Variants in TACC2 observed in about 807,000 individuals in gnomAD.
TACC2 encodes the protein transforming acidic coiled-coil-containing protein 2.
In TACC2, 137 loss-of-function variants were observed where a neutral mutation model predicts 227.3. That is an observed-to-expected ratio of 0.60 (90% CI 0.52 to 0.69). The LOEUF (loss-of-function observed/expected upper bound fraction) is 0.69. Ranked by LOEUF, TACC2 falls within the 30% of genes least tolerant of loss-of-function variation. TACC2 has a pLI of 0.00. For missense variants in TACC2, 3,470 were observed against 3,694.4 expected, an observed-to-expected ratio of 0.94 and a Z score of 1.57; for synonymous variants, 1,523 against 1,487.5, an observed-to-expected ratio of 1.02 and a Z score of -0.55.
chr10:122,037,407 G>T lies in TACC2; in HGVS notation c.34-13031G>T, dbSNP rs2135938033. 1.3e-5 allele frequency among the ~76,000 whole-genome samples: 2 copies of T among 152,318 alleles called. 1 individual carries two copies. The highest frequency in any genetic ancestry group is 4.1e-4 in the South Asian group (2 of 4,826). On this transcript the variant is annotated intron_variant, in intron 2 of 22. Coordinates refer to ENST00000369005, the MANE Select transcript of TACC2 (RefSeq NM_206862.4). ...GTATGCTCACTCACCATGGGGGTGA[G>T]ACTCCAGCAGTCAGGGCTCCCCAAG...
intron 3 of TACC2, among the ~76,000 whole-genome samples, chr10:122,080,225 G>GT (rs57690157): frequency 1.6e-5 from 2 of 127,230 alleles, no homozygotes; most frequent in African/African-American, 3.0e-5. Context: ...TTTTTTTTTT[G>GT]TTTTTTTTTT....
chr10:122,082,086 TGG>T (rs58414362), intron 3 of TACC2, among the ~76,000 whole-genome samples: 57,280 of 151,806 alleles, frequency 0.38, 10,863 homozygotes, highest in Admixed American at 0.43. Context: ...GAGGCTGAGG[TGG>T]GAAGATTGCT....
chr10:122,187,955 G>T (rs2094267709), intron 7 of TACC2, among the ~76,000 whole-genome samples: 1 of 152,138 alleles, frequency 6.6e-6, no homozygotes, highest in African/African-American at 2.4e-5. Flanking sequence ...TTGTCAAGGG[G>T]AGCTGGGAGG....
chr10:122,039,815 A>C (rs1158818791), intron 2 of TACC2, among the ~76,000 whole-genome samples: 2 of 78,544 alleles, frequency 2.5e-5, no homozygotes, highest in Non-Finnish European at 5.5e-5. Context: ...TTGTCAGCAC[A>C]AATGCTATTG....
At chr10:122,122,751 T>G (rs1249658426) in intron 5 of TACC2, among the ~76,000 whole-genome samples, 1 of 152,156 alleles carries the variant, frequency 6.6e-6, no homozygotes, top group Non-Finnish European at 1.5e-5. Context: ...GGGGAGGGGC[T>G]GCATGAGTGA....
At chr10:122,021,099 G>A (rs1313526920) in intron 1 of TACC2, among the ~76,000 whole-genome samples, 3 of 152,042 alleles carry the variant, frequency 2.0e-5, no homozygotes, top group African/African-American at 4.8e-5. Flanking sequence ...GTGTGGTGGC[G>A]GGCGTCTGTA....
chr10:122,203,437 C>G (rs1446719866), intron 8 of TACC2, among the ~76,000 whole-genome samples: 3 of 151,198 alleles, frequency 2.0e-5, no homozygotes, highest in African/African-American at 2.4e-5. Context: ...ACCTCCCTCC[C>G]GGACGAGGTG....
intron 1 of TACC2, among the ~76,000 whole-genome samples, chr10:121,991,258 A>G (rs745613422): frequency 2.0e-5 from 3 of 152,174 alleles, no homozygotes; most frequent in Non-Finnish European, 4.4e-5. Context: ...ATTTTTATAA[A>G]TCCACCTGTT....
chr10:122,229,801 T>C (rs2095700688), intron 15 of TACC2, among the ~76,000 whole-genome samples: 1 of 152,178 alleles, frequency 6.6e-6, no homozygotes, highest in African/African-American at 2.4e-5. Flanking sequence ...CCAAGAATAT[T>C]AGATCACCAC....
chr10:122,161,577 G>A (rs1236335221), intron 7 of TACC2, among the ~76,000 whole-genome samples: 2 of 152,254 alleles, frequency 1.3e-5, no homozygotes, highest in African/African-American at 4.8e-5. Flanking sequence ...GGAGAAGTCA[G>A]GATTTGAACT....
chr10:122,178,452 C>A (rs2093830259), intron 7 of TACC2, among the ~76,000 whole-genome samples: 1 of 152,002 alleles, frequency 6.6e-6, no homozygotes, highest in South Asian at 2.1e-4. Flanking sequence ...GGTCAGGCTG[C>A]TCTCAAACTC....
chr10:122,149,180 G>T (rs947162786), intron 7 of TACC2, among the ~76,000 whole-genome samples: 2 of 152,256 alleles, frequency 1.3e-5, no homozygotes, highest in East Asian at 3.8e-4. Flanking sequence ...TGGTGTGTTG[G>T]ACATGAGCTG....
intron 2 of TACC2, among the ~76,000 whole-genome samples, chr10:122,045,078 G>A (rs1316725978): frequency 6.6e-6 from 1 of 152,048 alleles, no homozygotes; most frequent in African/African-American, 2.4e-5. Flanking sequence ...AGGGAAATGT[G>A]GCAAAAGCGA....
chr10:122,076,138 G>C (rs953817868), intron 3 of TACC2, among the ~76,000 whole-genome samples: 1 of 152,044 alleles, frequency 6.6e-6, no homozygotes, highest in Non-Finnish European at 1.5e-5. Flanking sequence ...AAGTCCAAGG[G>C]CAAGGGGCTG....
chr10:122,173,940 G>C (rs2093594580), intron 7 of TACC2, among the ~76,000 whole-genome samples: 1 of 152,218 alleles, frequency 6.6e-6, no homozygotes, highest in Admixed American at 6.5e-5. Flanking sequence ...TGCTCCCATA[G>C]ACAGGGAAGT....
rs574623497 is a variant in TACC2 at position 121,999,286 on chromosome 10, T to A, written c.-46+9798T>A. Among the ~76,000 whole-genome samples the A allele has an allele frequency of 2.0e-5, 3 of 152,330 alleles. No individual in the cohort carries two copies. The South Asian group carries it at 6.2e-4, about 32-fold the overall frequency. ...TCTAAGTGGGACAAAGATTTTCATT[T>A]TGAGGAGACATAATTTTGCAGCTGG... On this transcript the variant is annotated intron_variant, in intron 1 of 22. Coordinates refer to ENST00000369005, the MANE Select transcript of TACC2 (RefSeq NM_206862.4).
rs1166152334 is a variant in TACC2, at chr10:122,249,653, C to A, written c.8770C>A (p.Leu2924Met). The change falls in exon 22 of 23, where the codon CTG becomes ATG. Residue 2924 changes from leucine (L) to methionine (M), a missense_variant. Leu to Met is a conservative substitution (Grantham distance 15). Around this residue, in one of 10 missense-constraint regions of TACC2, gnomAD observed 89 missense variants for 91.4 expected, o/e 0.97. Coordinates refer to ENST00000369005, the MANE Select transcript of TACC2 (RefSeq NM_206862.4). ...QLRVDALERT[L>M]EQKNKEIEEL... ...GCGAGTGGACGCCCTGGAAAGGACG[C>A]TGGAGCAGAAGGTAATAGGGGAGGG... The A allele has an allele frequency of 3.1e-6, 5 of 1,613,354 alleles. No individual in the cohort carries two copies. The highest frequency in any genetic ancestry group is 4.2e-6 in the Non-Finnish European group (5 of 1,179,722).
intron 7 of TACC2, among the ~76,000 whole-genome samples, chr10:122,164,689 C>G (rs1037226246): frequency 6.6e-6 from 1 of 152,156 alleles, no homozygotes; most frequent in Non-Finnish European, 1.5e-5. Flanking sequence ...CCATTACCTA[C>G]CCAGGCATGT....
At position 122,248,773 on chromosome 10, in the gene TACC2, G is replaced by A; in HGVS notation, c.8523G>A (p.Lys2841=). 6.2e-7 allele frequency: 1 copy of A among 1,614,214 alleles called. No individual in the cohort carries two copies. ...CCGACCTCTTCAGAAGATATGAGAA[G>A]ATGAAGGAGGTCCTAGAAGGCTTCC... The part of the protein sequence containing the change: ...SLADLFRRYE[K]MKEVLEGFRK... Residue 2841 remains lysine, a synonymous_variant, in exon 20 of 23, where the codon AAG becomes AAA. Transcript: ENST00000369005.
Sources: gnomAD v4.1 joint callset for allele counts (sites outside exome capture counted in the v4.1 genomes callset) on GRCh38, gnomAD v4.1.1 for gene constraint, gnomAD v4.1.1 regional missense constraint, MANE v1.5 for transcripts, NCBI Gene and HGNC (gene_info 2026-07-23, HGNC 2026-07-21) for gene names.